The following CNTNAP4 variants were observed in gnomAD, a reference collection of about 807,000 sequenced individuals.
CNTNAP4 encodes contactin-associated protein-like 4.
Under a neutral mutation model 148.4 loss-of-function variants are expected in CNTNAP4, and 98 were observed. The ratio of observed to expected loss-of-function variants is 0.66; its 90% CI spans 0.56 to 0.78. The LOEUF (loss-of-function observed/expected upper bound fraction) is 0.78, where lower values mean the gene tolerates loss of function less well. Ranked by LOEUF, CNTNAP4 falls within the 30% of genes least tolerant of loss-of-function variation. The pLI, the probability that CNTNAP4 is intolerant of heterozygous loss-of-function variation, is 0.00. For synonymous variants in CNTNAP4, 730 were observed against 565.1 expected, an observed-to-expected ratio of 1.29 and a Z score of -4.14; for missense variants, 1,935 against 1,565.6, an observed-to-expected ratio of 1.24 and a Z score of -3.98.
intron 1 of CNTNAP4, among the ~76,000 whole-genome samples, chr16:76,304,316 C>T (rs967815199): frequency 3.3e-5 from 5 of 152,064 alleles, no homozygotes; most frequent in African/African-American, 9.7e-5. Context: ...CAGTGCAAGG[C>T]GACAGGTAAC....
chr16:76,451,871 A>G (rs990914230), intron 7 of CNTNAP4, among the ~76,000 whole-genome samples: 3 of 152,178 alleles, frequency 2.0e-5, no homozygotes, highest in African/African-American at 7.2e-5. Flanking sequence ...CAAAATAGCT[A>G]CAAGATAAGT....
chr16:76,285,713 T>C (rs1401846653), intron 1 of CNTNAP4, among the ~76,000 whole-genome samples: 5 of 152,132 alleles, frequency 3.3e-5, no homozygotes, highest in Non-Finnish European at 7.4e-5. Context: ...AGAAAAATTA[T>C]AACCTGTAAT....
rs954006449 is a variant in CNTNAP4, at chr16:76,467,606, C to A, written c.1655+83C>A. On this transcript the variant is annotated intron_variant, in intron 10 of 23. Transcript: ENST00000611870. ...TTTATGTATAAGATGAACAATTATT[C>A]TTTCCTCTTCCCCATTCTTATCTGT... 4.5e-5 allele frequency: 50 copies of A among 1,122,562 alleles called. No individual in the cohort carries two copies. The African/African-American group carries it at 7.4e-4, about 17-fold the overall frequency. The allele number at this position is 1,122,562 out of a possible 1,614,324, so 69.5% of individuals were successfully genotyped here. A position where few individuals can be genotyped will look rare whatever the true frequency, so the allele number is the denominator to read the frequency against.
chr16:76,445,062 G>C (rs2080189050), intron 4 of CNTNAP4, among the ~76,000 whole-genome samples: 1 of 152,136 alleles, frequency 6.6e-6, no homozygotes, highest in African/African-American at 2.4e-5. Context: ...TTATGACAGT[G>C]AATGGGACAG....
chr16:76,497,148 TGTTTA>T (rs2082426193), intron 14 of CNTNAP4, among the ~76,000 whole-genome samples: 1 of 152,220 alleles, frequency 6.6e-6, no homozygotes, highest in South Asian at 2.1e-4. Context: ...TAAAAGCCAG[TGTTTA>T]AATTATTTTC....
intron 3 of CNTNAP4, among the ~76,000 whole-genome samples, chr16:76,396,896 A>G (rs145194009): frequency 6.6e-6 from 1 of 152,344 alleles, no homozygotes; most frequent in East Asian, 1.9e-4. Flanking sequence ...ATTTATCACA[A>G]GAATAATTAG....
At chr16:76,367,482 A>T (rs1197017260) in intron 3 of CNTNAP4, among the ~76,000 whole-genome samples, 2 of 152,208 alleles carry the variant, frequency 1.3e-5, no homozygotes, top group African/African-American at 4.8e-5. Flanking sequence ...GAAAGGGTAT[A>T]CATTGGGAAA....
intron 4 of CNTNAP4, among the ~76,000 whole-genome samples, chr16:76,435,672 C>T (rs1362821367): frequency 6.6e-6 from 1 of 152,094 alleles, no homozygotes; most frequent in Non-Finnish European, 1.5e-5. Context: ...TAATCTACTC[C>T]ACCATCCCCA....
chr16:76,355,532 C>G (rs780948668), intron 3 of CNTNAP4, 21 bp downstream of exon 3: 1 of 1,557,366 alleles, frequency 6.4e-7, no homozygotes, highest in Admixed American at 1.9e-5. Context: ...TAACAAAAGA[C>G]ATAGTCTCTC....
intron 1 of CNTNAP4, among the ~76,000 whole-genome samples, chr16:76,281,479 C>T (rs557033366): frequency 4.6e-5 from 7 of 152,142 alleles, no homozygotes; most frequent in African/African-American, 1.7e-4. Flanking sequence ...GATAACGTGA[C>T]TCATGGGCCA....
intron 15 of CNTNAP4, among the ~76,000 whole-genome samples, chr16:76,519,283 A>G (rs2083369006): frequency 2.0e-5 from 3 of 152,142 alleles, no homozygotes; most frequent in Admixed American, 2.0e-4. Context: ...AAAGTAATAA[A>G]TTGGTTTCAT....
At chr16:76,283,021 T>C (rs1010748524) in intron 1 of CNTNAP4, among the ~76,000 whole-genome samples, 3 of 151,786 alleles carry the variant, frequency 2.0e-5, no homozygotes, top group Non-Finnish European at 2.9e-5. Context: ...CCAAAAAAAC[T>C]AGGATAGTCT....
intron 1 of CNTNAP4, among the ~76,000 whole-genome samples, chr16:76,311,198 C>T (rs1476381831): frequency 6.6e-6 from 1 of 151,952 alleles, no homozygotes; most frequent in Non-Finnish European, 1.5e-5. Context: ...TGCATTAAAG[C>T]CATTTGTAAA....
At position 76,513,026 on chromosome 16, in the gene CNTNAP4, T is replaced by C. The variant is rs140015535; in HGVS notation, c.2366-8114T>C. Among the ~76,000 whole-genome samples the C allele has an allele frequency of 2.2e-4, 33 of 152,144 alleles. No homozygotes were observed. The East Asian group carries it at 6.4e-3, about 29-fold the overall frequency. ...CAAGGAATAGTGGGAGGAAAAAATG[T>C]GGGAAAATGTAATGGTAAATGGGGG... On this transcript the variant is annotated intron_variant, in intron 15 of 23. Transcript: ENST00000611870.
intron 3 of CNTNAP4, among the ~76,000 whole-genome samples, chr16:76,393,937 C>A (rs2078111169): frequency 6.6e-6 from 1 of 152,196 alleles, no homozygotes; most frequent in African/African-American, 2.4e-5. Context: ...TTTTCGCCAA[C>A]AGAAACTCTA....
intron 15 of CNTNAP4, among the ~76,000 whole-genome samples, chr16:76,501,746 G>A (rs1227409385): frequency 6.6e-6 from 1 of 152,108 alleles, no homozygotes; most frequent in Admixed American, 6.5e-5. Context: ...CTGTGACCAT[G>A]GGAATACAGA....
At chr16:76,354,058 C>T (rs2012232319) in intron 2 of CNTNAP4, among the ~76,000 whole-genome samples, 2 of 152,076 alleles carry the variant, frequency 1.3e-5, no homozygotes, top group Non-Finnish European at 2.9e-5. Context: ...ATTATCAGAG[C>T]CTCAAGGTGA....
intron 15 of CNTNAP4, among the ~76,000 whole-genome samples, chr16:76,511,986 A>G (rs1444118257): frequency 6.6e-6 from 1 of 152,106 alleles, no homozygotes; most frequent in Non-Finnish European, 1.5e-5. Flanking sequence ...AGAAGGTGGC[A>G]TTTGAATAAA....
At chr16:76,413,260 C>G (rs1158742658) in intron 3 of CNTNAP4, among the ~76,000 whole-genome samples, 1 of 151,448 alleles carries the variant, frequency 6.6e-6, no homozygotes, top group Non-Finnish European at 1.5e-5. Context: ...CCCCCCACTA[C>G]ACTTCTCAGC....
Sources: allele counts gnomAD v4.1 joint callset (sites outside exome capture counted in the v4.1 genomes callset), GRCh38; gene constraint gnomAD v4.1.1; transcripts MANE v1.5; gene names NCBI Gene and HGNC (gene_info 2026-07-23, HGNC 2026-07-21).